The following CNTNAP2 variants were observed in gnomAD, a reference collection of about 807,000 sequenced individuals.
CNTNAP2 encodes contactin associated protein 2, also known as contactin-associated protein-like 2.
A neutral mutation model predicts 155.2 loss-of-function variants in CNTNAP2; 98 were observed. The observed-to-expected ratio is 0.63, with a 90% CI of 0.54 to 0.75. The LOEUF is 0.75. CNTNAP2 is among the 30% of genes least tolerant of loss of function. The pLI is 0.00. For synonymous variants in CNTNAP2, 651 were observed against 631.2 expected, an observed-to-expected ratio of 1.03 and a Z score of -0.47; for missense variants, 1,727 against 1,688.1, an observed-to-expected ratio of 1.02 and a Z score of -0.40.
chr7:148,155,463 G>C (rs540561569), intron 17 of CNTNAP2, among the ~76,000 whole-genome samples: 1 of 152,200 alleles, frequency 6.6e-6, no homozygotes, highest in South Asian at 2.1e-4. Flanking sequence ...GTTTTTACAA[G>C]CTGGGATAGG....
chr7:148,131,993 G>T (rs1804840996), intron 16 of CNTNAP2, among the ~76,000 whole-genome samples: 1 of 152,144 alleles, frequency 6.6e-6, no homozygotes, highest in South Asian at 2.1e-4. Context: ...CAAGTGCTAG[G>T]TTTCTATAAG....
At chr7:148,026,445 C>T (rs563311745) in intron 15 of CNTNAP2, among the ~76,000 whole-genome samples, 4 of 151,960 alleles carry the variant, frequency 2.6e-5, no homozygotes, top group East Asian at 1.9e-4. Flanking sequence ...AACAAGACCC[C>T]GTCTCAAAAA....
At chr7:148,118,408 C>A (rs1423704904) in intron 16 of CNTNAP2, 120 bp downstream of exon 16, 1 of 1,127,260 alleles carries the variant, frequency 8.9e-7, no homozygotes, top group Non-Finnish European at 1.3e-6. Flanking sequence ...GTTCCAGGAG[C>A]AGGACTAGAG....
At chr7:146,437,641 G>A (rs1003757605) in intron 1 of CNTNAP2, among the ~76,000 whole-genome samples, 2 of 151,312 alleles carry the variant, frequency 1.3e-5, no homozygotes, top group African/African-American at 4.9e-5. Flanking sequence ...CTATAAAATG[G>A]CAAACTAAAA....
chr7:147,735,715 G>C (rs1404077978), intron 13 of CNTNAP2, among the ~76,000 whole-genome samples: 3 of 152,104 alleles, frequency 2.0e-5, no homozygotes, highest in Non-Finnish European at 4.4e-5. Flanking sequence ...CCTGTATTGG[G>C]TGCATATATA....
chr7:147,855,671 G>T (rs985092671), intron 13 of CNTNAP2, among the ~76,000 whole-genome samples: 4 of 151,878 alleles, frequency 2.6e-5, no homozygotes, highest in Non-Finnish European at 1.5e-5. Context: ...AAATAAATCT[G>T]CAGTGTAAAA....
chr7:148,364,538 C>T (rs1289614893), intron 21 of CNTNAP2, among the ~76,000 whole-genome samples: 1 of 152,164 alleles, frequency 6.6e-6, no homozygotes, highest in Non-Finnish European at 1.5e-5. Context: ...CACCAATCAG[C>T]ACCCTGTGTT....
Position 146,448,079 on chromosome 7 carries a change from A to G in CNTNAP2, c.98-326192A>G, listed in dbSNP as rs145376982. 5.5e-3 allele frequency among the ~76,000 whole-genome samples: 838 copies of G among 152,134 alleles called. 9 individuals carry two copies. The highest frequency in any genetic ancestry group is 0.019 in the African/African-American group (781 of 41,550). On this transcript the variant is annotated intron_variant, in intron 1 of 23. Transcript: ENST00000361727. ...TTCACAAGATTCCCATGAAGTATGT[A>G]ACTTGAAATAGCATTTACTGAGTAA... is the stretch of plus-strand genomic sequence containing the variant.
chr7:147,534,880 AC>A (rs1277434671), intron 11 of CNTNAP2, among the ~76,000 whole-genome samples: 2 of 152,138 alleles, frequency 1.3e-5, no homozygotes, highest in East Asian at 3.9e-4. Flanking sequence ...AGATATATAC[AC>A]TATGGACAAG....
chr7:148,334,249 T>C (rs560647206), intron 21 of CNTNAP2, among the ~76,000 whole-genome samples: 4 of 152,212 alleles, frequency 2.6e-5, no homozygotes, highest in Non-Finnish European at 1.5e-5. Context: ...GCTGTTTTCA[T>C]GAGGGATCCC....
chr7:147,070,110 A>C (rs1177255382), intron 4 of CNTNAP2, among the ~76,000 whole-genome samples: 2 of 152,230 alleles, frequency 1.3e-5, no homozygotes, highest in African/African-American at 4.8e-5. Context: ...TCTCTTTTCA[A>C]CCAGAAACAA....
intron 12 of CNTNAP2, among the ~76,000 whole-genome samples, chr7:147,617,853 A>G (rs1367719761): frequency 6.6e-6 from 1 of 152,178 alleles, no homozygotes; most frequent in African/African-American, 2.4e-5. Flanking sequence ...AAATTTTCAC[A>G]TAAGAATATA....
At chr7:146,612,931 CTTTT>C (rs10593929) in intron 1 of CNTNAP2, among the ~76,000 whole-genome samples, 25 of 139,352 alleles carry the variant, frequency 1.8e-4, no homozygotes, top group Non-Finnish European at 2.2e-4. Context: ...TAACATCTGT[CTTTT>C]TTTTTTTTTT....
chr7:146,359,829 C>A (rs191928756), intron 1 of CNTNAP2, among the ~76,000 whole-genome samples: 1 of 151,884 alleles, frequency 6.6e-6, no homozygotes, highest in Non-Finnish European at 1.5e-5. Flanking sequence ...CATGTGTGGG[C>A]GTGTGAAGTT....
intron 15 of CNTNAP2, among the ~76,000 whole-genome samples, chr7:148,058,492 C>G (rs994409376): frequency 6.6e-6 from 1 of 152,134 alleles, no homozygotes; most frequent in Admixed American, 6.5e-5. Context: ...ATTTCAGAGG[C>G]AGAGTATAAT....
intron 8 of CNTNAP2, among the ~76,000 whole-genome samples, chr7:147,267,906 A>G (rs1804651919): frequency 6.6e-6 from 1 of 152,160 alleles, no homozygotes; most frequent in Non-Finnish European, 1.5e-5. Flanking sequence ...CAAGGTACCC[A>G]AGGGAAGTCT....
At chr7:146,203,939 G>T (rs1197171042) in intron 1 of CNTNAP2, among the ~76,000 whole-genome samples, 4 of 151,998 alleles carry the variant, frequency 2.6e-5, no homozygotes, top group Admixed American at 6.6e-5. Context: ...GTGATTTTTT[G>T]GGGGGAATCC....
At chr7:146,550,046 T>C (rs1341146760) in intron 1 of CNTNAP2, among the ~76,000 whole-genome samples, 1 of 152,054 alleles carries the variant, frequency 6.6e-6, no homozygotes, top group East Asian at 1.9e-4. Context: ...CCTAAAAAGC[T>C]CCAGTCAAAA....
chr7:147,750,767 G>A (rs1021365146), intron 13 of CNTNAP2, among the ~76,000 whole-genome samples: 4 of 152,186 alleles, frequency 2.6e-5, no homozygotes, highest in South Asian at 2.1e-4. Flanking sequence ...GGCTGGGTGC[G>A]GCGGCTCATG....
Sources: gnomAD v4.1 joint callset for allele counts (sites outside exome capture counted in the v4.1 genomes callset) on GRCh38, gnomAD v4.1.1 for gene constraint, MANE v1.5 for transcripts, NCBI Gene and HGNC (gene_info 2026-07-23, HGNC 2026-07-21) for gene names.